Variants in ZFHX4 observed in about 807,000 individuals in gnomAD.
ZFHX4 encodes zinc finger homeobox protein 4.
In ZFHX4, 56 loss-of-function variants were observed where a neutral mutation model predicts 267.6. The observed-to-expected ratio is 0.21, with a 90% CI of 0.17 to 0.26. The LOEUF (loss-of-function observed/expected upper bound fraction) is 0.26, where lower values mean the gene tolerates loss of function less well. Ranked by LOEUF, ZFHX4 falls within the 10% of genes least tolerant of loss-of-function variation. The pLI, the probability that ZFHX4 is intolerant of heterozygous loss-of-function variation, is 1.00. For missense variants in ZFHX4, 4,332 were observed against 4,420.0 expected, an observed-to-expected ratio of 0.98 and a Z score of 0.56; for synonymous variants, 1,778 against 1,665.6, an observed-to-expected ratio of 1.07 and a Z score of -1.64.
intron 4 of ZFHX4, among the ~76,000 whole-genome samples, chr8:76,830,499 C>T (rs1811905571): frequency 6.6e-6 from 1 of 152,118 alleles, no homozygotes; most frequent in South Asian, 2.1e-4. Flanking sequence ...TGTATCATTA[C>T]TAGGTTTTAA....
intron 3 of ZFHX4, among the ~76,000 whole-genome samples, chr8:76,770,681 T>C (rs992422089): frequency 4.6e-5 from 7 of 151,658 alleles, no homozygotes; most frequent in Admixed American, 6.6e-5. Context: ...ACACACAAAG[T>C]ACAACAAGGA....
intron 3 of ZFHX4, among the ~76,000 whole-genome samples, chr8:76,716,528 T>A (rs1226215715): frequency 6.6e-6 from 1 of 152,164 alleles, no homozygotes; most frequent in Non-Finnish European, 1.5e-5. Flanking sequence ...TGGCCTCTTT[T>A]CAGCTTATGC....
In ZFHX4 at chr8:76,863,289, A is replaced by C. The variant is rs1228092549; in HGVS notation, c.9575A>C (p.Lys3192Thr). 2.5e-6 allele frequency: 4 copies of C among 1,613,044 alleles called. No homozygotes were observed. Among genetic ancestry groups the C allele is most frequent in the Non-Finnish European group, 3.4e-6 (4 of 1,179,524 alleles). Reference sequence around the variant, plus strand: ...CAACAGAACAAAGAATCTGAGAAAAAGCAAACTAAGCCAAACAAGGTGAAA... The same window carrying C: ...CAACAGAACAAAGAATCTGAGAAAACGCAAACTAAGCCAAACAAGGTGAAA... ...TEQQNKESEK[K>T]QTKPNKVKKI... Residue 3192 changes from lysine (K) to threonine (T), a missense_variant, in exon 11 of 11, where the codon AAG (lysine) becomes ACG (threonine). Lys to Thr is a moderately conservative substitution (Grantham distance 78, BLOSUM62 -1). Coordinates refer to ENST00000651372, the MANE Select transcript of ZFHX4 (RefSeq NM_024721.5).
At position 76,745,424 on chromosome 8, in the gene ZFHX4, T is replaced by C. The variant is rs1360048384; in HGVS notation, c.3094-32784T>C. On this transcript the variant is annotated intron_variant, in intron 3 of 10. Transcript: ENST00000651372. ...TTCTTGGAGGATTGATTTAAAAAGATAGACTTTTAAATCAGACCAAGGTAC... is the reference window on the plus strand; with the variant it reads ...TTCTTGGAGGATTGATTTAAAAAGACAGACTTTTAAATCAGACCAAGGTAC... Among the ~76,000 whole-genome samples, 47 of 152,226 alleles carry C rather than the reference T, an allele frequency of 3.1e-4. 1 individual carries two copies. Among genetic ancestry groups the C allele is most frequent in the Admixed American group, 3.0e-3 (46 of 15,280 alleles).
chr8:76,752,485 TCCAAAAAAAA>T (rs1202913425), intron 3 of ZFHX4, among the ~76,000 whole-genome samples: 4 of 23,920 alleles, frequency 1.7e-4, no homozygotes, highest in African/African-American at 7.1e-4. Flanking sequence ...CTACCAAAAA[TCCAAAAAAAA>T]AAAAAAAAAA....
chr8:76,791,442 A>G (rs1810833554), intron 4 of ZFHX4, among the ~76,000 whole-genome samples: 1 of 152,170 alleles, frequency 6.6e-6, no homozygotes, highest in Non-Finnish European at 1.5e-5. Flanking sequence ...TTAACGTAGA[A>G]AACTTTTGAT....
intron 4 of ZFHX4, among the ~76,000 whole-genome samples, chr8:76,811,000 C>A (rs796349138): frequency 6.6e-5 from 10 of 152,284 alleles, no homozygotes; most frequent in African/African-American, 2.4e-4. Context: ...ATGAGCCCGA[C>A]GCTCTGCTTA....
chr8:76,726,429 A>C (rs1808855267), intron 3 of ZFHX4, among the ~76,000 whole-genome samples: 6 of 152,126 alleles, frequency 3.9e-5, no homozygotes, highest in Admixed American at 1.3e-4. Context: ...TGACCATCTC[A>C]TCAAGAGGCC....
rs1234229189 is a variant in ZFHX4, at chr8:76,778,436, C to T, written c.3322C>T (p.Leu1108Phe). The T allele has an allele frequency of 1.6e-5, 26 of 1,612,710 alleles. No homozygotes were observed. The highest frequency in any genetic ancestry group is 1.1e-4 in the East Asian group (5 of 44,854). The part of the protein sequence containing the change: ...FFVKDCPPNE[L>F]ETASLGARTC... ...TGTTAAAGATTGCCCACCAAATGAG[C>T]TTGGTGAGTAACCCTGAAGAGGGCT... The change falls in exon 4 of 11, where the codon CTT (leucine) becomes TTT (phenylalanine). Residue 1108 changes from leucine to phenylalanine, a missense_variant. Physicochemically the swap from Leu to Phe is conservative, Grantham distance 22 (BLOSUM62 0). Transcript: ENST00000651372.
In ZFHX4 at chr8:76,852,739, G is replaced by A; in HGVS notation, c.5818G>A (p.Gly1940Ser). ...ACAGAAGAAGGGCAAAAGTGGTGAA[G>A]GCGAAAACACTGACAAACTAGAATG... is the stretch of plus-strand genomic sequence containing the variant. ...KVQKKGKSGEGENTDKLECGT... is the reference protein window; with the variant it reads ...KVQKKGKSGESENTDKLECGT... The change falls in exon 10 of 11, where the codon GGC (glycine) becomes AGC (serine). Residue 1940 changes from glycine (G) to serine (S), a missense_variant. Physicochemically the swap from Gly to Ser is moderately conservative, Grantham distance 56 (BLOSUM62 0). Coordinates refer to ENST00000651372, the MANE Select transcript of ZFHX4 (RefSeq NM_024721.5). 6.2e-7 allele frequency: 1 copy of A among 1,613,772 alleles called. No homozygotes were observed. The highest frequency in any genetic ancestry group is 1.6e-4 in the Middle Eastern group (1 of 6,062).
intron 3 of ZFHX4, among the ~76,000 whole-genome samples, chr8:76,714,278 G>C (rs186475081): frequency 3.8e-4 from 58 of 152,284 alleles, no homozygotes; most frequent in Middle Eastern, 3.4e-3. Context: ...CCATAATGCA[G>C]TGAAAGTCAT....
intron 3 of ZFHX4, among the ~76,000 whole-genome samples, chr8:76,765,030 T>C (rs1810016038): frequency 6.6e-6 from 1 of 152,148 alleles, no homozygotes; most frequent in Non-Finnish European, 1.5e-5. Flanking sequence ...GAGGCCAGTT[T>C]TCAATCTCGT....
At chr8:76,737,413 C>A (rs73356747) in intron 3 of ZFHX4, among the ~76,000 whole-genome samples, 2,608 of 152,200 alleles carry the variant, frequency 0.017, 84 homozygotes, top group African/African-American at 0.058. Flanking sequence ...AAACAATTAC[C>A]TGTATAGACT....
In ZFHX4 at chr8:76,852,039, C is replaced by T. The variant is rs190931587; in HGVS notation, c.5118C>T (p.Ala1706=). Residue 1706 remains alanine (A), a synonymous_variant, in exon 10 of 11, where the codon GCC becomes GCT. Transcript: ENST00000651372. The stretch of plus-strand genomic sequence containing the variant: ...TACAGCACGAATTACAACAGCAAGC[C>T]GCATTCTTTCAGCCTCAGTTTCTAA... The part of the protein sequence containing the change: ...MQLQHELQQQ[A]AFFQPQFLNP... 103 of 1,614,008 alleles carry T rather than the reference C, an allele frequency of 6.4e-5. No homozygotes were observed. Among genetic ancestry groups the T allele is most frequent in the Middle Eastern group, 1.7e-4 (1 of 6,060 alleles).
chr8:76,747,069 A>G (rs1037275063), intron 3 of ZFHX4, among the ~76,000 whole-genome samples: 2 of 152,112 alleles, frequency 1.3e-5, no homozygotes, highest in Admixed American at 6.6e-5. Context: ...CAGGGTTTCC[A>G]TTTCTCTAGT....
chr8:76,748,232 C>T (rs1809514846), intron 3 of ZFHX4, among the ~76,000 whole-genome samples: 1 of 152,122 alleles, frequency 6.6e-6, no homozygotes, highest in Non-Finnish European at 1.5e-5. Flanking sequence ...ATCTGTAAGT[C>T]TCACTGATGT....
intron 3 of ZFHX4, among the ~76,000 whole-genome samples, chr8:76,736,660 A>G (rs1052310526): frequency 2.0e-5 from 3 of 152,256 alleles, no homozygotes; most frequent in Non-Finnish European, 2.9e-5. Flanking sequence ...CCTCAGCCAG[A>G]TAATTTCTAG....
Position 76,705,982 on chromosome 8 carries a change from A to G in ZFHX4, c.1894A>G (p.Met632Val), listed in dbSNP as rs889248890. ...GTCTTCGAGGTCTCTTGGTGGTCAT[A>G]TGACTATGATGCACTCGAGGAACTC... ...LGSSRSLGGHMTMMHSRNSCK... is the reference protein window; with the variant it reads ...LGSSRSLGGHVTMMHSRNSCK... Residue 632 changes from methionine to valine, a missense_variant, in exon 2 of 11, where the codon ATG (methionine) becomes GTG (valine). By Grantham distance (21) the Met-to-Val change is conservative. Coordinates refer to ENST00000651372, the MANE Select transcript of ZFHX4 (RefSeq NM_024721.5). 1.9e-6 allele frequency: 3 copies of G among 1,612,486 alleles called. No individual in the cohort carries two copies. Among genetic ancestry groups the G allele is most frequent in the Non-Finnish European group, 2.5e-6 (3 of 1,179,416 alleles).
rs1812499191 is a variant in ZFHX4 at position 76,850,950 on chromosome 8, A to G, written c.4029A>G (p.Val1343=). The G allele has an allele frequency of 3.1e-6, 5 of 1,613,554 alleles. No homozygotes were observed. Among genetic ancestry groups the G allele is most frequent in the Non-Finnish European group, 4.2e-6 (5 of 1,179,666 alleles). ...AGGATTCAAAGGCTAATGTGGAAGTAAAGAATGAGGAGCAGAAACCGACTA... is the reference window on the plus strand; with the variant it reads ...AGGATTCAAAGGCTAATGTGGAAGTGAAGAATGAGGAGCAGAAACCGACTA... ...GLEDSKANVE[V]KNEEQKPTKE... The change falls in exon 10 of 11, where the codon GTA becomes GTG. Residue 1343 remains valine (V), a synonymous_variant. Transcript: ENST00000651372.
Sources: gnomAD v4.1 joint callset for allele counts (sites outside exome capture counted in the v4.1 genomes callset) on GRCh38, gnomAD v4.1.1 for gene constraint, MANE v1.5 for transcripts, NCBI Gene and HGNC (gene_info 2026-07-23, HGNC 2026-07-21) for gene names.